Variants in ROBO2 observed in about 807,000 individuals in gnomAD.
ROBO2 encodes the protein roundabout homolog 2.
A neutral mutation model predicts 160.8 loss-of-function variants in ROBO2; 53 were observed. That is an observed-to-expected ratio of 0.33 (90% CI 0.26 to 0.41). The LOEUF (loss-of-function observed/expected upper bound fraction) is 0.41, where lower values mean the gene tolerates loss of function less well. ROBO2 is among the 10% of genes least tolerant of loss of function. ROBO2 has a pLI of 1.00. For missense variants in ROBO2, 1,577 were observed against 1,722.4 expected (o/e 0.92, Z 1.49); for synonymous variants, 664 against 611.7 (o/e 1.09, Z -1.26).
chr3:76,512,803 T>G (rs2081166706), intron 2 of ROBO2, among the ~76,000 whole-genome samples: 1 of 152,214 alleles, frequency 6.6e-6, no homozygotes, highest in Non-Finnish European at 1.5e-5. Context: ...TATTTCATTA[T>G]GTATATACAA....
chr3:76,648,496 C>T (rs2091092087), intron 2 of ROBO2, among the ~76,000 whole-genome samples: 1 of 151,806 alleles, frequency 6.6e-6, no homozygotes, highest in South Asian at 2.1e-4. Context: ...TCTAGGGTGG[C>T]CTGAATGTGG....
At chr3:76,404,493 G>A (rs538593769) in intron 2 of ROBO2, among the ~76,000 whole-genome samples, 39 of 151,660 alleles carry the variant, frequency 2.6e-4, no homozygotes, top group African/African-American at 8.9e-4. Flanking sequence ...GAGTTAGGAG[G>A]TTTGGAAGCT....
intron 20 of ROBO2, among the ~76,000 whole-genome samples, 191 bp downstream of exon 21, chr3:77,602,682 ACCACCACCGCCG>A (rs1559705950): frequency 1.0e-5 from 1 of 99,330 alleles, no homozygotes; most frequent in Non-Finnish European, 2.0e-5. Flanking sequence ...CACCACCACC[ACCACCACCGCCG>A]CCGCCACCAC....
intron 2 of ROBO2, among the ~76,000 whole-genome samples, chr3:77,110,026 T>A (rs1371120176): frequency 6.6e-6 from 1 of 152,210 alleles, no homozygotes; most frequent in Non-Finnish European, 1.5e-5. Flanking sequence ...GAAAGAGTAA[T>A]CTTTTCTATT....
intron 2 of ROBO2, among the ~76,000 whole-genome samples, chr3:76,900,511 T>C (rs768457617): frequency 6.6e-6 from 1 of 152,188 alleles, no homozygotes. Flanking sequence ...ATCATGCTTT[T>C]CTCAAGACTC....
At chr3:77,351,082 G>A (rs996505935) in intron 2 of ROBO2, among the ~76,000 whole-genome samples, 2 of 152,116 alleles carry the variant, frequency 1.3e-5, no homozygotes, top group Admixed American at 6.5e-5. Context: ...TTTATTTCTA[G>A]CAAGAAAGCT....
chr3:76,592,808 A>G (rs2086499291), intron 2 of ROBO2, among the ~76,000 whole-genome samples: 1 of 152,082 alleles, frequency 6.6e-6, no homozygotes, highest in African/African-American at 2.4e-5. Flanking sequence ...ATAATCATGC[A>G]GGTAGTTGCC....
intron 2 of ROBO2, among the ~76,000 whole-genome samples, chr3:76,185,935 G>A: frequency 2.0e-5 from 1 of 49,874 alleles, no homozygotes; most frequent in Non-Finnish European, 5.4e-5. Flanking sequence ...AGGAAACACA[G>A]ATTTTTTTTT....
At chr3:77,402,193 A>T (rs547980076) in intron 2 of ROBO2, among the ~76,000 whole-genome samples, 1 of 152,156 alleles carries the variant, frequency 6.6e-6, no homozygotes, top group Admixed American at 6.5e-5. Context: ...AAAACCAGAA[A>T]TCAAACACCA....
intron 2 of ROBO2, among the ~76,000 whole-genome samples, chr3:75,952,312 C>A (rs903822888): frequency 1.3e-5 from 2 of 151,820 alleles, no homozygotes; most frequent in African/African-American, 4.8e-5. Context: ...TCATTAAAAT[C>A]AATTTCTCTA....
At chr3:77,564,417 T>C in intron 11 of ROBO2, 1 of 455,180 alleles carries the variant, frequency 2.2e-6, no homozygotes, top group South Asian at 1.6e-5. Flanking sequence ...CAAGGGAAAA[T>C]ATTCATTACC....
chr3:76,039,439 A>G (rs1243085354), intron 2 of ROBO2, among the ~76,000 whole-genome samples: 2 of 152,002 alleles, frequency 1.3e-5, no homozygotes, highest in African/African-American at 2.4e-5. Flanking sequence ...TTTAATATAA[A>G]TGGCCATGCA....
At chr3:77,435,172 G>C (rs1288151573) in intron 2 of ROBO2, among the ~76,000 whole-genome samples, 7 of 151,744 alleles carry the variant, frequency 4.6e-5, no homozygotes, top group Non-Finnish European at 1.0e-4. Flanking sequence ...TAAATTTGTT[G>C]ATATAGATAA....
chr3:76,453,116 T>A (rs1027627236), intron 2 of ROBO2, among the ~76,000 whole-genome samples: 1 of 152,194 alleles, frequency 6.6e-6, no homozygotes, highest in Non-Finnish European at 1.5e-5. Flanking sequence ...TTTCTCCCAT[T>A]CTGTAGGCTG....
chr3:76,399,666 A>G (rs966229286), intron 2 of ROBO2, among the ~76,000 whole-genome samples: 3 of 151,764 alleles, frequency 2.0e-5, no homozygotes, highest in Non-Finnish European at 4.4e-5. Context: ...TCTTATGGTA[A>G]TAACATTAAG....
At chr3:77,486,540 G>C (rs1435428730) in intron 4 of ROBO2, among the ~76,000 whole-genome samples, 1 of 147,732 alleles carries the variant, frequency 6.8e-6, no homozygotes, top group Non-Finnish European at 1.5e-5. Flanking sequence ...TTTTTCATAT[G>C]TTTGTTAGCC....
chr3:77,462,868 T>C (rs920887823), intron 2 of ROBO2, among the ~76,000 whole-genome samples: 1 of 152,180 alleles, frequency 6.6e-6, no homozygotes, highest in African/African-American at 2.4e-5. Flanking sequence ...TTCTTTTCCT[T>C]TTCTAATTAA....
chr3:76,766,232 T>C (rs2061570714), intron 2 of ROBO2, among the ~76,000 whole-genome samples: 1 of 151,640 alleles, frequency 6.6e-6, no homozygotes, highest in Non-Finnish European at 1.5e-5. Flanking sequence ...TTGCGTACAC[T>C]CCTACCTCTG....
intron 2 of ROBO2, among the ~76,000 whole-genome samples, chr3:76,388,370 C>T (rs2076992595): frequency 6.6e-6 from 1 of 151,586 alleles, no homozygotes; most frequent in African/African-American, 2.4e-5. Flanking sequence ...TTCCCGGGTT[C>T]ACGCCATTCT....
Sources: allele counts gnomAD v4.1 joint callset (sites outside exome capture counted in the v4.1 genomes callset), GRCh38; gene constraint gnomAD v4.1.1; transcripts MANE v1.5; gene names NCBI Gene and HGNC (gene_info 2026-07-23, HGNC 2026-07-21).